The following ATP6V1E1 variants were observed in gnomAD, a reference collection of about 807,000 sequenced individuals.
The protein encoded by ATP6V1E1 is ATPase H+ transporting V1 subunit E1.
A neutral mutation model predicts 35.2 loss-of-function variants in ATP6V1E1; 21 were observed. The ratio of observed to expected loss-of-function variants is 0.60; its 90% CI spans 0.42 to 0.86. The LOEUF is 0.86. ATP6V1E1 is among the 40% of genes least tolerant of loss of function. ATP6V1E1 has a pLI of 0.00. For missense variants in ATP6V1E1, 183 were observed against 272.6 expected, an observed-to-expected ratio of 0.67 and a Z score of 2.32; for synonymous variants, 83 against 87.8, an observed-to-expected ratio of 0.95 and a Z score of 0.30.
rs2057708534 is a variant in ATP6V1E1 at position 17,592,571 on chromosome 22, G to C, written c.*103C>G. The C allele has an allele frequency of 1.7e-6, 2 of 1,184,332 alleles. No individual in the cohort carries two copies. The highest frequency in any genetic ancestry group is 4.7e-5 in the East Asian group (2 of 42,786). The allele number at this position is 1,184,332 out of a possible 1,614,324, so 73.4% of individuals were successfully genotyped here. The stretch of plus-strand genomic sequence containing the variant: ...CGCTGATAAATACAGAGCAATACTG[G>C]GGCAGTGAAGAGGAAGCTACAGAGA... On this transcript the variant is annotated 3_prime_UTR_variant, in exon 9 of 9. Coordinates refer to ENST00000253413, the MANE Select transcript of ATP6V1E1 (RefSeq NM_001696.4).
At chr22:17,614,660 G>A (rs1262454222) in intron 2 of ATP6V1E1, among the ~76,000 whole-genome samples, 3 of 132,640 alleles carry the variant, frequency 2.3e-5, no homozygotes, top group East Asian at 2.1e-4. Context: ...CAACAAAAGC[G>A]AACTCTTAAA....
At chr22:17,627,170 A>AT (rs1408650259) in intron 1 of ATP6V1E1, among the ~76,000 whole-genome samples, 1 of 138,236 alleles carries the variant, frequency 7.2e-6, no homozygotes, top group African/African-American at 2.7e-5. Context: ...TTTTTTTTTT[A>AT]TTTTTTTGAG....
chr22:17,609,723 C>A (rs1420227408), intron 4 of ATP6V1E1, among the ~76,000 whole-genome samples: 9 of 152,054 alleles, frequency 5.9e-5, no homozygotes, highest in Admixed American at 5.9e-4. Flanking sequence ...CCCGCCTCGG[C>A]CTCCCAAAGT....
intron 1 of ATP6V1E1, among the ~76,000 whole-genome samples, chr22:17,620,299 C>A (rs975451202): frequency 6.6e-6 from 1 of 152,062 alleles, no homozygotes; most frequent in East Asian, 1.9e-4. Context: ...AGGCGCCCGC[C>A]ACCATGCCTG....
chr22:17,622,596 A>G (rs2057883384), intron 1 of ATP6V1E1, among the ~76,000 whole-genome samples: 1 of 152,172 alleles, frequency 6.6e-6, no homozygotes, highest in African/African-American at 2.4e-5. Context: ...GCGTATCACT[A>G]TGTAACAAAC....
At chr22:17,627,841 G>GA (rs2057925835) in intron 1 of ATP6V1E1, among the ~76,000 whole-genome samples, 2 of 145,944 alleles carry the variant, frequency 1.4e-5, no homozygotes, top group South Asian at 4.3e-4. Context: ...AAGAAAAAAA[G>GA]AAAAAAACAC....
chr22:17,617,116 A>C (rs954121554), intron 2 of ATP6V1E1, among the ~76,000 whole-genome samples: 2 of 152,146 alleles, frequency 1.3e-5, no homozygotes, highest in Non-Finnish European at 2.9e-5. Context: ...ATATCCTATC[A>C]GCTGTTATGT....
chr22:17,603,364 TA>T (rs61291114), intron 4 of ATP6V1E1, among the ~76,000 whole-genome samples: 19 of 146,046 alleles, frequency 1.3e-4, no homozygotes, highest in African/African-American at 2.5e-4. Flanking sequence ...TCTGTAAAAT[TA>T]AAAAAAAAAA....
At chr22:17,612,763 A>G (rs1251046445) in intron 4 of ATP6V1E1, 49 bp downstream of exon 4, 5 of 1,392,692 alleles carry the variant, frequency 3.6e-6, no homozygotes, top group Non-Finnish European at 4.9e-6. Context: ...CAACAGGGAA[A>G]TGAATAAACA....
chr22:17,618,952 A>T (rs1485407403), intron 2 of ATP6V1E1: 2 of 452,092 alleles, frequency 4.4e-6, no homozygotes, highest in Non-Finnish European at 8.8e-6. Flanking sequence ...GTGAGCTGAG[A>T]TCAGGCCACT....
At chr22:17,601,308 A>G (rs1328614372) in intron 4 of ATP6V1E1, 127 bp from the exon 5 acceptor site, 10 of 694,172 alleles carry the variant, frequency 1.4e-5, no homozygotes, top group Non-Finnish European at 2.4e-5. Flanking sequence ...CATTCAACAC[A>G]CATTCCCTGA....
chr22:17,623,386 A>G (rs911064338), intron 1 of ATP6V1E1, among the ~76,000 whole-genome samples: 4 of 152,158 alleles, frequency 2.6e-5, no homozygotes, highest in African/African-American at 9.7e-5. Context: ...CTGGAATTTT[A>G]AGTCATTTAA....
chr22:17,614,154 C>T (rs1378342987), intron 2 of ATP6V1E1, among the ~76,000 whole-genome samples: 1 of 151,888 alleles, frequency 6.6e-6, no homozygotes, highest in Non-Finnish European at 1.5e-5. Context: ...AGTTTGAGAT[C>T]GGCCTGATCA....
chr22:17,623,316 G>A (rs1381717937), intron 1 of ATP6V1E1, among the ~76,000 whole-genome samples: 1 of 152,162 alleles, frequency 6.6e-6, no homozygotes, highest in Non-Finnish European at 1.5e-5. Flanking sequence ...GGAGTATGGA[G>A]AGGGGTCATG....
chr22:17,626,088 C>T (rs973241927), intron 1 of ATP6V1E1, among the ~76,000 whole-genome samples: 9 of 151,702 alleles, frequency 5.9e-5, no homozygotes, highest in Admixed American at 1.3e-4. Context: ...GGGCAGATTA[C>T]GAGGTCAGGA....
Position 17,620,830 on chromosome 22 carries a change from G to A in ATP6V1E1, c.34-1304C>T, listed in dbSNP as rs544849271. 5.3e-5 allele frequency among the ~76,000 whole-genome samples: 8 copies of A among 152,180 alleles called. No individual in the cohort carries two copies. The East Asian group carries it at 7.8e-4, about 15-fold the overall frequency. On this transcript the variant is annotated intron_variant, in intron 1 of 8. Coordinates refer to ENST00000253413, the MANE Select transcript of ATP6V1E1 (RefSeq NM_001696.4). Reference sequence around the variant, plus strand: ...TGTAATCCCAGAACTTTGGGAGGCCGAGGCGGGCGGATCACGAGGTCAGGA... The same window carrying A: ...TGTAATCCCAGAACTTTGGGAGGCCAAGGCGGGCGGATCACGAGGTCAGGA...
In ATP6V1E1 at chr22:17,612,796, G is replaced by A; in HGVS notation, c.276+16C>T. 1 of 1,547,898 alleles carries A rather than the reference G, an allele frequency of 6.5e-7. No individual in the cohort carries two copies. The highest frequency in any genetic ancestry group is 8.7e-7 in the Non-Finnish European group (1 of 1,148,270). On this transcript the variant is annotated intron_variant, in intron 4 of 8. Transcript: ENST00000253413. ...ACATGTAATAATTTTATAACTAATAGGGGCTAATTACTCACTGTGATAAGG... is the reference window on the plus strand; with the variant it reads ...ACATGTAATAATTTTATAACTAATAAGGGCTAATTACTCACTGTGATAAGG...
intron 1 of ATP6V1E1, among the ~76,000 whole-genome samples, chr22:17,627,565 TC>T (rs1400899308): frequency 1.8e-4 from 27 of 151,192 alleles, no homozygotes; most frequent in African/African-American, 6.1e-4. Flanking sequence ...ATGCCTGTAA[TC>T]CCAGCACTTT....
intron 5 of ATP6V1E1, among the ~76,000 whole-genome samples, 195 bp from the exon 6 acceptor site, chr22:17,600,290 G>A (rs904660947): frequency 2.1e-4 from 32 of 151,962 alleles, no homozygotes; most frequent in African/African-American, 7.5e-4. Context: ...CAAAAAATTA[G>A]CCTGGAATGA....
Sources: gnomAD v4.1 joint callset for allele counts (sites outside exome capture counted in the v4.1 genomes callset) on GRCh38, gnomAD v4.1.1 for gene constraint, MANE v1.5 for transcripts, NCBI Gene and HGNC (gene_info 2026-07-23, HGNC 2026-07-21) for gene names.